MAS1: variants seen among roughly 807,000 people sequenced by gnomAD.
MAS1 encodes MAS1 proto-oncogene, G protein-coupled receptor.
For missense variants in MAS1, 387 were observed against 409.7 expected, an observed-to-expected ratio of 0.94 and a Z score of 0.48; for synonymous variants, 163 against 164.2, an observed-to-expected ratio of 0.99 and a Z score of 0.05.
At chr6:159,900,269 G>C (rs903740025) in intron 2 of MAS1, among the ~76,000 whole-genome samples, 3 of 152,138 alleles carry the variant, frequency 2.0e-5, no homozygotes, top group Non-Finnish European at 4.4e-5. Context: ...GAGCTAGACT[G>C]TTTTGTCAGC....
rs1286420811 is a variant in MAS1 at position 159,907,938 on chromosome 6, T to C, written c.*5T>C. 2 of 1,577,714 alleles carry C rather than the reference T, an allele frequency of 1.3e-6. No homozygotes were observed. The highest frequency in any genetic ancestry group is 2.3e-5 in the East Asian group (1 of 44,326). On this transcript the variant is annotated 3_prime_UTR_variant, in exon 3 of 3. Coordinates refer to ENST00000674077, the MANE Select transcript of MAS1 (RefSeq NM_002377.4). ...ACAGTTGAGACTGTCGTCTAAGAAC[T>C]GTGAGGGAAGTTGTGGATAAAAATG... is the stretch of plus-strand genomic sequence containing the variant.
chr6:159,893,603 A>G (rs1412588016), intron 1 of MAS1, among the ~76,000 whole-genome samples: 1 of 152,160 alleles, frequency 6.6e-6, no homozygotes, highest in Admixed American at 6.5e-5. Flanking sequence ...AAATGAATTC[A>G]CTGGTGGTGG....
chr6:159,891,295 G>A (rs1305057440), intron 1 of MAS1, among the ~76,000 whole-genome samples, 162 bp downstream of exon 1: 1 of 152,124 alleles, frequency 6.6e-6, no homozygotes, highest in Admixed American at 6.5e-5. Context: ...GTGTGTGTTG[G>A]CAAAAACTTC....
chr6:159,905,966 T>C (rs1401354740), intron 2 of MAS1, among the ~76,000 whole-genome samples: 1 of 151,910 alleles, frequency 6.6e-6, no homozygotes, highest in East Asian at 1.9e-4. Flanking sequence ...CGCTTGAACC[T>C]GGGAGGCGGA....
rs1398232143 is a variant in MAS1, at chr6:159,907,819, G to A, written c.864G>A (p.Lys288=). 1 of 1,612,920 alleles carries A rather than the reference G, an allele frequency of 6.2e-7. No homozygotes were observed. Among genetic ancestry groups the A allele is most frequent in the Middle Eastern group, 1.6e-4 (1 of 6,062 alleles). ...ACTTCTTTGTGGGAAGCAGTAAGAA[G>A]AAGAGATTCAAGGAGTCCTTAAAAG... ...FIYFFVGSSK[K]KRFKESLKVV... is the part of the protein sequence containing the mutation. Residue 288 remains lysine (K), a synonymous_variant, in exon 3 of 3, where the codon AAG becomes AAA. Coordinates refer to ENST00000674077, the MANE Select transcript of MAS1 (RefSeq NM_002377.4).
chr6:159,901,413 A>G (rs752668605), intron 2 of MAS1, among the ~76,000 whole-genome samples: 2 of 152,110 alleles, frequency 1.3e-5, no homozygotes, highest in Non-Finnish European at 2.9e-5. Context: ...GGAGTTTGAG[A>G]CCAGCCTGGC....
chr6:159,890,328 G>A (rs1055408255), upstream of MAS1, among the ~76,000 whole-genome samples: 7 of 152,184 alleles, frequency 4.6e-5, no homozygotes, highest in African/African-American at 1.2e-4. Context: ...CTGACTGCAC[G>A]GGTGAGAGTT....
In MAS1 at chr6:159,916,363, T is replaced by C. The variant is rs1277293557; in HGVS notation, c.*8430T>C. 1 of 151,958 alleles carries C rather than the reference T, an allele frequency of 6.6e-6. No individual in the cohort carries two copies. The highest frequency in any genetic ancestry group is 6.6e-5 in the Admixed American group (1 of 15,240). The allele number at this position is 151,958 out of a possible 1,614,324, so 9.4% of individuals were successfully genotyped here. A position where few individuals can be genotyped will look rare whatever the true frequency, so the allele number is the denominator to read the frequency against. On this transcript the variant is annotated 3_prime_UTR_variant, in exon 3 of 3. Coordinates refer to ENST00000674077, the MANE Select transcript of MAS1 (RefSeq NM_002377.4). ...GAGGGAGGAGGGAGTGGGGAGTTAG[T>C]GTTTAGTAGGAACTGAATTTCAGTT...
intron 2 of MAS1, among the ~76,000 whole-genome samples, chr6:159,902,740 A>G (rs1782836603): frequency 6.6e-6 from 1 of 151,964 alleles, no homozygotes; most frequent in South Asian, 2.1e-4. Context: ...GCAACAAAAC[A>G]CCAGTCTCTG....
At chr6:159,905,894 T>C (rs1782879647) in intron 2 of MAS1, among the ~76,000 whole-genome samples, 1 of 151,988 alleles carries the variant, frequency 6.6e-6, no homozygotes, top group Non-Finnish European at 1.5e-5. Context: ...TACAAAAAAT[T>C]AGCCAGGCAT....
At chr6:159,893,498 A>G (rs1276378203) in intron 1 of MAS1, among the ~76,000 whole-genome samples, 1 of 152,180 alleles carries the variant, frequency 6.6e-6, no homozygotes, top group Admixed American at 6.5e-5. Flanking sequence ...GCAACCATTC[A>G]TAGGTGGGTT....
upstream of MAS1, among the ~76,000 whole-genome samples, chr6:159,889,874 G>T (rs1782678022): frequency 6.6e-6 from 1 of 152,166 alleles, no homozygotes; most frequent in African/African-American, 2.4e-5. Context: ...TCCCACAAGA[G>T]TAGTTTGGCT....
Position 159,914,316 on chromosome 6 carries a change from C to G in MAS1, c.*6383C>G, listed in dbSNP as rs1302986017. On this transcript the variant is annotated 3_prime_UTR_variant, in exon 3 of 3. Coordinates refer to ENST00000674077, the MANE Select transcript of MAS1 (RefSeq NM_002377.4). ...AGTCCTTGCACTTCACGTCGATCCCCGTGCAATTGAGAAGATAGTCACCTC... is the reference window on the plus strand; with the variant it reads ...AGTCCTTGCACTTCACGTCGATCCCGGTGCAATTGAGAAGATAGTCACCTC... 1 of 151,886 alleles carries G rather than the reference C, an allele frequency of 6.6e-6. No homozygotes were observed. Among genetic ancestry groups the G allele is most frequent in the Admixed American group, 6.6e-5 (1 of 15,246 alleles). 9.4% of individuals were successfully genotyped at this position (151,886 alleles called of 1,614,324 possible).
chr6:159,913,048 CA>C lies in MAS1; in HGVS notation c.*5119del, dbSNP rs1186222902. 2 of 152,150 alleles carry C rather than the reference CA, an allele frequency of 1.3e-5. No homozygotes were observed. The highest frequency in any genetic ancestry group is 2.9e-5 in the Non-Finnish European group (2 of 68,030). 9.4% of individuals were successfully genotyped at this position (152,150 alleles called of 1,614,324 possible). ...AAATTACCCACTTTTTGATGTTCAG[CA>C]AAAGTAACCATTAAGTAAAGACAGA... On this transcript the variant is annotated 3_prime_UTR_variant, in exon 3 of 3. Coordinates refer to ENST00000674077, the MANE Select transcript of MAS1 (RefSeq NM_002377.4).
rs1782964601 is a variant in MAS1 at position 159,911,507 on chromosome 6, A to C, written c.*3574A>C. 1 of 151,644 alleles carries C rather than the reference A, an allele frequency of 6.6e-6. No individual in the cohort carries two copies. The highest frequency in any genetic ancestry group is 1.9e-4 in the East Asian group (1 of 5,166). 9.4% of individuals were successfully genotyped at this position (151,644 alleles called of 1,614,324 possible). A position where few individuals can be genotyped will look rare whatever the true frequency, so the allele number is the denominator to read the frequency against. ...GAGCCACTGCGCCGGGCCTGCCCCT[A>C]TTCTTTTTTCAGTGAAGTACACCGC... On this transcript the variant is annotated 3_prime_UTR_variant, in exon 3 of 3. Transcript: ENST00000674077.
chr6:159,892,386 C>T (rs552040470), intron 1 of MAS1, among the ~76,000 whole-genome samples: 4 of 152,124 alleles, frequency 2.6e-5, no homozygotes, highest in African/African-American at 9.7e-5. Context: ...GAACAACAGG[C>T]GCTTTCAGAT....
chr6:159,897,813 C>T (rs1782770660), intron 1 of MAS1, among the ~76,000 whole-genome samples: 1 of 151,686 alleles, frequency 6.6e-6, no homozygotes, highest in African/African-American at 2.4e-5. Context: ...TTGATCAGTC[C>T]CTGCGGACTG....
At position 159,909,746 on chromosome 6, in the gene MAS1, G is replaced by T. The variant is rs1782944230; in HGVS notation, c.*1813G>T. ...GGCCAACCTCGTCTCATCTCTAAGG[G>T]GATCTTAGTCTCAAAGAGGACCCTA... On this transcript the variant is annotated 3_prime_UTR_variant, in exon 3 of 3. Transcript: ENST00000674077. The T allele has an allele frequency of 6.6e-6, 1 of 152,044 alleles. No individual in the cohort carries two copies. The highest frequency in any genetic ancestry group is 2.4e-5 in the African/African-American group (1 of 41,376). The allele number at this position is 152,044 out of a possible 1,614,324, so 9.4% of individuals were successfully genotyped here.
Position 159,908,738 on chromosome 6 carries a change from C to G in MAS1, c.*805C>G, listed in dbSNP as rs564715004. The G allele has an allele frequency of 6.6e-6, 1 of 152,166 alleles. No individual in the cohort carries two copies. The highest frequency in any genetic ancestry group is 2.1e-4 in the South Asian group (1 of 4,814). 9.4% of individuals were successfully genotyped at this position (152,166 alleles called of 1,614,324 possible). ...GTTGTGAAGAAATACATTTGGCCAC[C>G]AGTAGAGGAGTTTCTCATGGCTCCC... On this transcript the variant is annotated 3_prime_UTR_variant, in exon 3 of 3. Transcript: ENST00000674077.
Sources: allele counts gnomAD v4.1 joint callset (sites outside exome capture counted in the v4.1 genomes callset), GRCh38; gene constraint gnomAD v4.1.1; transcripts MANE v1.5; gene names NCBI Gene and HGNC (gene_info 2026-07-23, HGNC 2026-07-21).